BTBD19: variants seen among roughly 807,000 people sequenced by gnomAD.
BTBD19 encodes the protein BTB domain containing 19, also known as BTB/POZ domain-containing protein 19.
Under a neutral mutation model 36.1 loss-of-function variants are expected in BTBD19, and 20 were observed. The ratio of observed to expected loss-of-function variants is 0.55; its 90% CI spans 0.39 to 0.80. BTBD19 has a LOEUF of 0.80. BTBD19 is among the 30% of genes least tolerant of loss of function. The pLI is 0.00. For synonymous variants in BTBD19, 157 were observed against 174.3 expected (o/e 0.90, Z 0.78); for missense variants, 325 against 389.8 (o/e 0.83, Z 1.40).
rs1308958560 is a variant in BTBD19 at position 44,813,357 on chromosome 1, A to T, written c.616-17A>T. ...GGGCGGCAGGACAGGTGCCCGACTC[A>T]GGGCTGGCGTTTGCAGGCGGTGCTG... On this transcript the variant is annotated splice_polypyrimidine_tract_variant and intron_variant, in intron 6 of 7. Transcript: ENST00000450269. The surrounding 1 kb of genome is among the most constrained non-coding windows in gnomAD (Gnocchi z 7.8). The T allele has an allele frequency of 6.5e-7, 1 of 1,544,588 alleles. No individual in the cohort carries two copies.
chr1:44,814,152 T>TTCTTTCTTTCTGTCTTTCTTTCTG (rs1171080532), downstream of BTBD19: 6 of 72,982 alleles, frequency 8.2e-5, no homozygotes, highest in South Asian at 9.0e-4. Context: ...TTCTTTCTCT[T>TTCTTTCTTTCTGTCTTTCTTTCTG]TCTTTCTTTC....
intron 4 of BTBD19, chr1:44,812,420 G>A (rs755801431): frequency 4.4e-6 from 2 of 455,114 alleles, no homozygotes; most frequent in African/African-American, 4.0e-5. Context: ...TAGAAGTCAA[G>A]CTGGGTCAGG....
intron 3 of BTBD19, among the ~76,000 whole-genome samples, chr1:44,811,407 TCA>T (rs1361505862): frequency 6.6e-6 from 1 of 152,042 alleles, no homozygotes; most frequent in African/African-American, 2.4e-5. Context: ...GGTATTCTAG[TCA>T]CAGAGGCACC....
Position 44,810,502 on chromosome 1 carries a change from G to A in BTBD19, c.301-52G>A. On this transcript the variant is annotated intron_variant, in intron 2 of 7. Coordinates refer to ENST00000450269, the Ensembl canonical transcript of BTBD19. This position sits in a 1 kb window ranked among gnomAD's most constrained non-coding sequence, Gnocchi z 4.2. ...GCAGGAGTTTGCCCATTACACTGTG[G>A]GCACAGGGCAGGGGAAACTCCCTTC... The A allele has an allele frequency of 1.3e-6, 2 of 1,550,666 alleles. No homozygotes were observed. The highest frequency in any genetic ancestry group is 1.7e-6 in the Non-Finnish European group (2 of 1,146,630).
chr1:44,814,163 TTTCTTTCTTTC>T (rs1652592736), downstream of BTBD19: 2 of 132,004 alleles, frequency 1.5e-5, no homozygotes, highest in African/African-American at 7.4e-5. Flanking sequence ...TCTTTCTTTC[TTTCTTTCTTTC>T]TTTCTTTCTT....
chr1:44,809,735 G>A (rs960164195), intron 1 of BTBD19, among the ~76,000 whole-genome samples: 1 of 152,182 alleles, frequency 6.6e-6, no homozygotes, highest in Non-Finnish European at 1.5e-5. Context: ...GTGTCTGTTT[G>A]CAGTCGTTGT....
intron 4 of BTBD19, chr1:44,812,423 G>A (rs1215683323): frequency 2.2e-6 from 1 of 455,136 alleles, no homozygotes; most frequent in African/African-American, 2.0e-5. Flanking sequence ...AAGTCAAGCT[G>A]GGTCAGGCAC....
downstream of BTBD19, chr1:44,814,148 C>CTTTCTCTTTCTTTCTT: frequency 6.3e-6 from 1 of 159,170 alleles, no homozygotes; most frequent in Non-Finnish European, 1.2e-5. Flanking sequence ...CTTTTTCTTT[C>CTTTCTCTTTCTTTCTT]TCTTTCTTTC....
intron 3 of BTBD19, chr1:44,811,579 G>C (rs1652416203): frequency 5.3e-6 from 1 of 187,614 alleles, no homozygotes; most frequent in South Asian, 9.7e-5. Context: ...CGATAAGGGA[G>C]TGAAGAATTG....
At chr1:44,809,368 C>CG (rs1236425795) in intron 1 of BTBD19, among the ~76,000 whole-genome samples, 1 of 152,156 alleles carries the variant, frequency 6.6e-6, no homozygotes, top group Non-Finnish European at 1.5e-5. Flanking sequence ...CAGGAAGCCT[C>CG]GGGGGTGCTG....
intron 1 of BTBD19, among the ~76,000 whole-genome samples, chr1:44,809,888 C>A (rs566997863): frequency 2.2e-4 from 33 of 152,260 alleles, no homozygotes; most frequent in African/African-American, 7.0e-4. Flanking sequence ...AAGGTGGGAT[C>A]AACCTTGCTT....
At position 44,810,928 on chromosome 1, in the gene BTBD19, G is replaced by A. The variant is rs1322188243; in HGVS notation, c.354+321G>A. 6.6e-6 allele frequency among the ~76,000 whole-genome samples: 1 copy of A among 152,164 alleles called. No individual in the cohort carries two copies. The highest frequency in any genetic ancestry group is 1.9e-4 in the East Asian group (1 of 5,192). ...AATGCTTACCTGGGTGGCATAAGAAGTGTGATAGAGGCCGGGCGCAGTGGC... is the reference window on the plus strand; with the variant it reads ...AATGCTTACCTGGGTGGCATAAGAAATGTGATAGAGGCCGGGCGCAGTGGC... On this transcript the variant is annotated intron_variant, in intron 3 of 7. Coordinates refer to ENST00000450269, the Ensembl canonical transcript of BTBD19. This position sits in a 1 kb window ranked among gnomAD's most constrained non-coding sequence, Gnocchi z 4.2.
downstream of BTBD19, chr1:44,814,190 C>CTTTCTTTTTCTTTCTT (rs1553163543): frequency 8.5e-6 from 1 of 117,770 alleles, no homozygotes; most frequent in Non-Finnish European, 1.7e-5. Context: ...TTCTTTCTTT[C>CTTTCTTTTTCTTTCTT]TTTCTTTCTT....
downstream of BTBD19, chr1:44,814,150 C>CTTTCTTTCTT (rs1652586562): frequency 7.4e-5 from 5 of 67,228 alleles, no homozygotes; most frequent in Non-Finnish European, 1.4e-4. Context: ...TTTTCTTTCT[C>CTTTCTTTCTT]TTTCTTTCTT....
In BTBD19 at chr1:44,813,302, A is replaced by G. The variant is rs1652521266; in HGVS notation, c.615+33A>G. 6.5e-7 allele frequency: 1 copy of G among 1,537,694 alleles called. No homozygotes were observed. Among genetic ancestry groups the G allele is most frequent in the African/African-American group, 1.4e-5 (1 of 72,946 alleles). On this transcript the variant is annotated intron_variant, in intron 6 of 7. Transcript: ENST00000450269. The surrounding 1 kb of genome is among the most constrained non-coding windows in gnomAD (Gnocchi z 7.8). ...GGGCTGGGGGAGCGCAAGGGCACGGAAGGAGGTGCTGGCCACGAGACTGGT... is the reference window on the plus strand; with the variant it reads ...GGGCTGGGGGAGCGCAAGGGCACGGGAGGAGGTGCTGGCCACGAGACTGGT...
Position 44,813,588 on chromosome 1 carries a change from G to T in BTBD19, c.742-50G>T. ...AGGAGCAGCCCGGCCCACGGTCCTC[G>T]GGGCGAGGGGCCACCGCGGGACTGC... On this transcript the variant is annotated intron_variant, in intron 7 of 7. Coordinates refer to ENST00000450269, the Ensembl canonical transcript of BTBD19. This position sits in a 1 kb window ranked among gnomAD's most constrained non-coding sequence, Gnocchi z 7.8. The T allele has an allele frequency of 6.5e-7, 1 of 1,536,088 alleles. No homozygotes were observed. The highest frequency in any genetic ancestry group is 8.8e-7 in the Non-Finnish European group (1 of 1,136,746).
chr1:44,812,263 G>C (rs1426326313), intron 4 of BTBD19, among the ~76,000 whole-genome samples, 165 bp downstream of exon 4: 5 of 152,046 alleles, frequency 3.3e-5, no homozygotes, highest in African/African-American at 1.2e-4. Flanking sequence ...TCTGTGCCTA[G>C]ATCTGTGGGA....
In BTBD19 at chr1:44,813,920, G is replaced by A. The variant is rs1652562839; in HGVS notation, c.*148G>A. ...CGCCGGAAGAACCGTTGTCTGCCAC[G>A]CGCAGCCCCTTGTGCGGGATCAAGC... is the stretch of plus-strand genomic sequence containing the variant. On this transcript the variant is annotated 3_prime_UTR_variant, in exon 8 of 8. Transcript: ENST00000450269. This position sits in a 1 kb window ranked among gnomAD's most constrained non-coding sequence, Gnocchi z 7.8. 1.6e-6 allele frequency: 2 copies of A among 1,281,298 alleles called. No homozygotes were observed. The highest frequency in any genetic ancestry group is 2.1e-5 in the Admixed American group (1 of 46,994). The allele number at this position is 1,281,298 out of a possible 1,614,324, so 79.4% of individuals were successfully genotyped here.
Position 44,813,409 on chromosome 1 carries a change from C to G in BTBD19, c.651C>G (p.Ala217=). The G allele has an allele frequency of 6.5e-7, 1 of 1,541,246 alleles. No homozygotes were observed. Among genetic ancestry groups the G allele is most frequent in the East Asian group, 2.4e-5 (1 of 40,898 alleles). The change falls in exon 7 of 8, where the codon GCC becomes GCG. Residue 217 remains alanine (A), a synonymous_variant. Coordinates refer to ENST00000450269, the Ensembl canonical transcript of BTBD19. The surrounding 1 kb of genome is among the most constrained non-coding windows in gnomAD (Gnocchi z 7.8). ...AGCGGCCGGTGGCTGAGGTGGCGGC[C>G]CCGGTGGTGAAAGAGCTGAGACTAG...
Sources: allele counts gnomAD v4.1 joint callset (sites outside exome capture counted in the v4.1 genomes callset), GRCh38; gene constraint gnomAD v4.1.1; non-coding constraint Gnocchi (gnomAD v3.1); transcripts MANE v1.5; gene names NCBI Gene and HGNC (gene_info 2026-07-23, HGNC 2026-07-21).